The following SYMPK variants were observed in gnomAD, a reference collection of about 807,000 sequenced individuals.
SYMPK encodes symplekin scaffold protein, also known as symplekin.
A neutral mutation model predicts 136.4 loss-of-function variants in SYMPK; 49 were observed. The ratio of observed to expected loss-of-function variants is 0.36; its 90% CI spans 0.29 to 0.46. The LOEUF (loss-of-function observed/expected upper bound fraction) is 0.46, where lower values mean the gene tolerates loss of function less well. Among genes scored for constraint, SYMPK ranks in the 20% least tolerant of loss-of-function variants. The pLI, the probability that SYMPK is intolerant of heterozygous loss-of-function variation, is 1.00. For missense variants in SYMPK, 1,365 were observed against 1,690.0 expected (o/e 0.81, Z 3.37); for synonymous variants, 766 against 713.0 (o/e 1.07, Z -1.19).
rs1025486980 is a variant in SYMPK, at chr19:45,863,051, C to A, written c.-13+7G>T. ...GTCTCCGGGCCCAAACGCCGCCTCC[C>A]GCTCACCGCAGCTCTGGCCTCCGTT... On this transcript the variant is annotated splice_region_variant and intron_variant, in intron 1 of 26. Transcript: ENST00000245934. 5 of 401,402 alleles carry A rather than the reference C, an allele frequency of 1.2e-5. No individual in the cohort carries two copies. The highest frequency in any genetic ancestry group is 8.8e-5 in the Admixed American group (2 of 22,716). 24.9% of individuals were successfully genotyped at this position (401,402 alleles called of 1,614,324 possible).
chr19:45,822,182 G>A (rs536001453), intron 21 of SYMPK, among the ~76,000 whole-genome samples: 19 of 139,470 alleles, frequency 1.4e-4, no homozygotes, highest in African/African-American at 4.6e-4. Context: ...GCACTGGCAC[G>A]ATCTCCGCTC....
rs533351853 is a variant in SYMPK at position 45,816,032 on chromosome 19, G to A, written c.3506C>T (p.Ser1169Phe). ...CGACGGAGAGGGAGAGGGGGAGGAA[G>A]AGGAGGGGGCTCCCACTCCTCCCGG... ...LKPGGVGAPS[S>F]SSPSPSPSAR... The change falls in exon 26 of 27, where the codon TCT becomes TTT. Residue 1169 changes from serine (S) to phenylalanine (F), a missense_variant. Ser to Phe is a radical substitution (Grantham distance 155). Around this residue, in one of 11 missense-constraint regions of SYMPK, gnomAD observed 341 missense variants for 270.5 expected, o/e 1.26. Transcript: ENST00000245934. The A allele has an allele frequency of 6.3e-6, 10 of 1,583,752 alleles. No homozygotes were observed. The highest frequency in any genetic ancestry group is 2.3e-5 in the East Asian group (1 of 43,746).
At chr19:45,842,718 T>C (rs1600518625) in intron 8 of SYMPK, 3 of 554,316 alleles carry the variant, frequency 5.4e-6, no homozygotes, top group Non-Finnish European at 6.3e-6. Flanking sequence ...CCCTCTCTTT[T>C]AGTAAATACA....
chr19:45,817,417 C>CTCTTTTTA (rs1568605965), intron 23 of SYMPK, among the ~76,000 whole-genome samples: 1 of 108,480 alleles, frequency 9.2e-6, no homozygotes, highest in African/African-American at 3.5e-5. Context: ...TTTTTGTTCT[C>CTCTTTTTA]TTTTTTTTTT....
chr19:45,822,129 T>A (rs979373936), intron 21 of SYMPK, among the ~76,000 whole-genome samples: 1 of 139,160 alleles, frequency 7.2e-6, no homozygotes, highest in African/African-American at 2.8e-5. Context: ...TTTTTTTTTT[T>A]TTTTTTTGAG....
At chr19:45,856,620 A>G (rs1971829173) in intron 1 of SYMPK, among the ~76,000 whole-genome samples, 1 of 152,160 alleles carries the variant, frequency 6.6e-6, no homozygotes, top group Non-Finnish European at 1.5e-5. Flanking sequence ...TTTTATGTAC[A>G]TGGGAAAAGA....
chr19:45,830,477 G>C (rs1488011343), intron 12 of SYMPK: 4 of 409,760 alleles, frequency 9.8e-6, no homozygotes, highest in Non-Finnish European at 1.8e-5. Flanking sequence ...CAAATGTCTG[G>C]GGGACCAGCT....
At chr19:45,848,977 A>C in intron 5 of SYMPK, 101 bp from the exon 6 acceptor site, 4 of 1,426,462 alleles carry the variant, frequency 2.8e-6, no homozygotes, top group Non-Finnish European at 3.9e-6. Context: ...GACCTGTCTC[A>C]GGGGACCGGA....
In SYMPK at chr19:45,827,516, C is replaced by T; in HGVS notation, c.2175G>A (p.Lys725=). ...AAGTGGAGGAGGGGATCACCTTGTC[C>T]TTCTCATGGGAGCTGAGGTCGAGGA... ...HVLLDLSSHE[K]DKVRSQALLF... is the part of the protein sequence containing the mutation. The change falls in exon 16 of 27, where the codon AAG becomes AAA. Residue 725 remains lysine (K), a synonymous_variant. Transcript: ENST00000245934. 4 of 1,613,696 alleles carry T rather than the reference C, an allele frequency of 2.5e-6. No homozygotes were observed. Among genetic ancestry groups the T allele is most frequent in the Non-Finnish European group, 2.5e-6 (3 of 1,179,616 alleles).
chr19:45,816,284 C>T, intron 25 of SYMPK, 101 bp from the exon 26 acceptor site: 1 of 1,130,724 alleles, frequency 8.8e-7, no homozygotes, highest in African/African-American at 1.6e-5. Context: ...AGTTCTTCAC[C>T]AAGAGCATGG....
At chr19:45,830,748 G>T (rs1971149255) in intron 12 of SYMPK, 1 of 152,336 alleles carries the variant, frequency 6.6e-6, no homozygotes. Context: ...AATTAGCCAG[G>T]CGTGGTGGCG....
chr19:45,829,242 G>A (rs1209028770), intron 13 of SYMPK, 37 bp from the exon 14 acceptor site: 1 of 1,566,016 alleles, frequency 6.4e-7, no homozygotes, highest in Admixed American at 1.7e-5. Flanking sequence ...AGTGTAGGGT[G>A]GGCAATCCAG....
chr19:45,829,351 T>C, intron 13 of SYMPK, 146 bp from the exon 14 acceptor site: 2 of 476,868 alleles, frequency 4.2e-6, no homozygotes, highest in African/African-American at 2.0e-5. Context: ...AGGACCCTTA[T>C]GCCTAGGAAG....
intron 16 of SYMPK, among the ~76,000 whole-genome samples, chr19:45,827,306 C>G (rs913593381): frequency 6.6e-6 from 1 of 152,116 alleles, no homozygotes; most frequent in Non-Finnish European, 1.5e-5. Flanking sequence ...GACTCAGGCA[C>G]GGTAACCCTG....
At chr19:45,827,791 G>C in intron 15 of SYMPK, 46 bp downstream of exon 15, 1 of 1,597,410 alleles carries the variant, frequency 6.3e-7, no homozygotes. Context: ...TCAGGGCAGG[G>C]CCCTGTCCCC....
chr19:45,833,906 C>T (rs1971241873), intron 11 of SYMPK, among the ~76,000 whole-genome samples: 1 of 152,162 alleles, frequency 6.6e-6, no homozygotes, highest in Admixed American at 6.5e-5. Context: ...AATCCCAGCA[C>T]TTTGGGAAGC....
intron 19 of SYMPK, 56 bp downstream of exon 19, chr19:45,823,711 G>C: frequency 2.0e-6 from 3 of 1,499,916 alleles, no homozygotes; most frequent in South Asian, 2.3e-5. Flanking sequence ...CCCAGGGCCC[G>C]GGGAAGGCTA....
rs1263812681 is a variant in SYMPK at position 45,857,797 on chromosome 19, AC to A, written c.-12-3291del. ...TGAGCCACCGCAACCAGCCGAAAAT[AC>A]TTTTTTTTTTTTTTTTTTAGATGGA... On this transcript the variant is annotated intron_variant, in intron 1 of 26. Transcript: ENST00000245934. Among the ~76,000 whole-genome samples, 8 of 119,894 alleles carry A rather than the reference AC, an allele frequency of 6.7e-5. No individual in the cohort carries two copies. The South Asian group carries it at 2.1e-3, about 32-fold the overall frequency. The allele number at this position is 119,894 out of a possible 152,430, so 78.7% of individuals were successfully genotyped here.
intron 11 of SYMPK, 86 bp from the exon 12 acceptor site, chr19:45,831,674 T>G: frequency 8.5e-7 from 1 of 1,172,878 alleles, no homozygotes; most frequent in Admixed American, 2.5e-5. Context: ...GGCTCTGTTC[T>G]GAGCCCTGTA....
Sources: gnomAD v4.1 joint callset for allele counts (sites outside exome capture counted in the v4.1 genomes callset) on GRCh38, gnomAD v4.1.1 for gene constraint, gnomAD v4.1.1 regional missense constraint, MANE v1.5 for transcripts, NCBI Gene and HGNC (gene_info 2026-07-23, HGNC 2026-07-21) for gene names.